The following CPNE1 variants were observed in gnomAD, a reference collection of about 807,000 sequenced individuals.
CPNE1 encodes copine 1, also known as copine-1.
CPNE1 carries 58 observed loss-of-function variants against 63.2 expected under a neutral mutation model. That is an observed-to-expected ratio of 0.92 (90% confidence interval 0.74 to 1.14). The LOEUF (loss-of-function observed/expected upper bound fraction) is 1.14. CPNE1 is among the 50% of genes most tolerant of loss of function. The probability of loss-of-function intolerance (pLI) is 0.00; values close to 1 mark genes in which losing one functional copy is unlikely to be tolerated. For synonymous variants in CPNE1, 237 were observed against 249.0 expected, an observed-to-expected ratio of 0.95 and a Z score of 0.45; for missense variants, 672 against 661.7, an observed-to-expected ratio of 1.02 and a Z score of -0.17.
intron 1 of CPNE1, among the ~76,000 whole-genome samples, chr20:35,640,697 A>G (rs895278163): frequency 2.6e-5 from 4 of 152,150 alleles, no homozygotes; most frequent in African/African-American, 9.7e-5. Flanking sequence ...AACTTCAACA[A>G]GCAGAGGGAC....
chr20:35,663,512 T>A (rs1356768815), intron 1 of CPNE1, among the ~76,000 whole-genome samples: 1 of 152,194 alleles, frequency 6.6e-6, no homozygotes, highest in Non-Finnish European at 1.5e-5. Context: ...TGGGTTATAC[T>A]GACTCTATTA....
At chr20:35,630,698 C>G in intron 12 of CPNE1, 43 bp downstream of exon 12, 2 of 1,606,806 alleles carry the variant, frequency 1.2e-6, no homozygotes, top group Non-Finnish European at 1.7e-6. Flanking sequence ...AAATCAGGAC[C>G]CTGAAACTGA....
At chr20:35,658,081 TA>T (rs111472845) in intron 1 of CPNE1, among the ~76,000 whole-genome samples, 11,216 of 151,464 alleles carry the variant, frequency 0.074, 510 homozygotes, top group South Asian at 0.18. Flanking sequence ...AATAAAAATT[TA>T]AAAAAAAATT....
Position 35,627,424 on chromosome 20 carries a change from G to A in CPNE1, c.1103-11C>T. On this transcript the variant is annotated splice_polypyrimidine_tract_variant and intron_variant, in intron 13 of 15. Transcript: ENST00000397443. ...CAATGCCCTGGATGCCTGCAGAGGA[G>A]AGCAAGAAATACCGTAAAATCCTGG... 1 of 1,613,504 alleles carries A rather than the reference G, an allele frequency of 6.2e-7. No homozygotes were observed. Among genetic ancestry groups the A allele is most frequent in the Non-Finnish European group, 8.5e-7 (1 of 1,179,854 alleles).
At chr20:35,630,254 C>A (rs1371496013) in intron 13 of CPNE1, among the ~76,000 whole-genome samples, 185 bp downstream of exon 13, 1 of 152,194 alleles carries the variant, frequency 6.6e-6, no homozygotes, top group Non-Finnish European at 1.5e-5. Flanking sequence ...AAGATTGCGC[C>A]ACCGCACTCC....
chr20:35,626,287 G>C lies in CPNE1; in HGVS notation c.1568C>G (p.Pro523Arg). ...AGGATCCTTGGCTGAGGGTGGAAGT[G>C]GCTTGAGCGGGGCCCAACCCTGGGC... ...FRAQGWAPLKPLPPSAKDPAQ... is the reference protein window; with the variant it reads ...FRAQGWAPLKRLPPSAKDPAQ... The change falls in exon 16 of 16, where the codon CCA (proline) becomes CGA (arginine). Residue 523 changes from proline to arginine, a missense_variant. By Grantham distance (103) the Pro-to-Arg change is moderately radical. Coordinates refer to ENST00000397443, the MANE Select transcript of CPNE1 (RefSeq NM_152925.3). 1 of 1,614,096 alleles carries C rather than the reference G, an allele frequency of 6.2e-7. No homozygotes were observed. Among genetic ancestry groups the C allele is most frequent in the Non-Finnish European group, 8.5e-7 (1 of 1,180,010 alleles).
At chr20:35,635,207 C>T (rs2032419657) in intron 1 of CPNE1, among the ~76,000 whole-genome samples, 4 of 151,960 alleles carry the variant, frequency 2.6e-5, no homozygotes, top group Admixed American at 2.6e-4. Flanking sequence ...CCCTTTTAGC[C>T]CCTCTAAAAT....
chr20:35,641,543 A>T (rs1298561227), intron 1 of CPNE1, among the ~76,000 whole-genome samples: 1 of 152,194 alleles, frequency 6.6e-6, no homozygotes, highest in African/African-American at 2.4e-5. Flanking sequence ...TCAGGTGTAA[A>T]CTGGGGGATA....
chr20:35,655,063 C>T (rs1194786791), intron 1 of CPNE1: 20 of 1,613,986 alleles, frequency 1.2e-5, no homozygotes, highest in Non-Finnish European at 1.6e-5. Flanking sequence ...AAAACGCCTA[C>T]GACTCAGTTC....
At chr20:35,631,056 A>C (rs537671410) in intron 10 of CPNE1, 22 bp from the exon 11 acceptor site, 1 of 1,614,190 alleles carries the variant, frequency 6.2e-7, no homozygotes, top group Non-Finnish European at 8.5e-7. Context: ...TGAGGAAGGC[A>C]GCTAAAGGCC....
At chr20:35,630,834 G>C (rs1456964440) in intron 11 of CPNE1, 39 bp from the exon 12 acceptor site, 1 of 1,607,106 alleles carries the variant, frequency 6.2e-7, no homozygotes, top group Non-Finnish European at 8.5e-7. Context: ...GGCAGTGAGG[G>C]GACTGTAAGC....
intron 1 of CPNE1, among the ~76,000 whole-genome samples, chr20:35,648,309 A>G (rs2146328541): frequency 6.6e-6 from 1 of 152,330 alleles, no homozygotes; most frequent in South Asian, 2.1e-4. Flanking sequence ...CATACCCTGT[A>G]AAAGCTCTAC....
intron 1 of CPNE1, chr20:35,655,356 A>C: frequency 6.3e-7 from 1 of 1,575,222 alleles, no homozygotes; most frequent in Non-Finnish European, 8.6e-7. Context: ...TGCAGATGAG[A>C]AAAGGCAACG....
At chr20:35,651,570 T>C (rs1024862371) in intron 1 of CPNE1, 3 of 152,260 alleles carry the variant, frequency 2.0e-5, no homozygotes, top group Non-Finnish European at 4.4e-5. Context: ...GGCCCCTCTT[T>C]GTTTAAAGGC....
chr20:35,636,552 C>T (rs1190071205), intron 1 of CPNE1, among the ~76,000 whole-genome samples: 3 of 152,196 alleles, frequency 2.0e-5, no homozygotes, highest in Non-Finnish European at 4.4e-5. Context: ...GTAATCCCAG[C>T]GTTTTGGGAC....
At chr20:35,646,436 C>T (rs1200320408) in intron 1 of CPNE1, among the ~76,000 whole-genome samples, 1 of 146,668 alleles carries the variant, frequency 6.8e-6, no homozygotes, top group Non-Finnish European at 1.5e-5. Context: ...GTTACTCACG[C>T]TAGTCTCAAT....
In CPNE1 at chr20:35,627,349, G is replaced by C. The variant is rs759299015; in HGVS notation, c.1167C>G (p.Thr389=). The C allele has an allele frequency of 1.9e-6, 3 of 1,614,158 alleles. No homozygotes were observed. Among genetic ancestry groups the C allele is most frequent in the Admixed American group, 1.7e-5 (1 of 60,022 alleles). ...ALPQVRLYGP[T]NFAPIINHVA... is the part of the protein sequence containing the mutation. ...CATGGTTGATGATGGGTGCAAAGTT[G>C]GTAGGGCCATAGAGGCGAACTTGGG... is the stretch of plus-strand genomic sequence containing the variant. The change falls in exon 14 of 16, where the codon ACC becomes ACG. Residue 389 remains threonine, a synonymous_variant. Transcript: ENST00000397443.
chr20:35,658,476 C>T (rs1332778968), intron 1 of CPNE1, among the ~76,000 whole-genome samples: 1 of 152,086 alleles, frequency 6.6e-6, no homozygotes, highest in Non-Finnish European at 1.5e-5. Context: ...TAAAAAACCA[C>T]ACCGGCCTGG....
intron 1 of CPNE1, chr20:35,654,214 C>T (rs375656516): frequency 1.2e-6 from 2 of 1,614,098 alleles, no homozygotes; most frequent in African/African-American, 1.3e-5. Context: ...TTCCACATAG[C>T]GTTGAATCAT....
Sources: allele counts gnomAD v4.1 joint callset (sites outside exome capture counted in the v4.1 genomes callset), GRCh38; gene constraint gnomAD v4.1.1; transcripts MANE v1.5; gene names NCBI Gene and HGNC (gene_info 2026-07-23, HGNC 2026-07-21).